Variants in MAGED1 observed in about 807,000 individuals in gnomAD.
MAGED1 encodes melanoma-associated antigen D1.
MAGED1 carries 3 observed loss-of-function variants against 54.1 expected under a neutral mutation model. The observed-to-expected ratio is 0.06, with a 90% CI of 0.03 to 0.14. The LOEUF (loss-of-function observed/expected upper bound fraction) is 0.14, where lower values mean the gene tolerates loss of function less well. MAGED1 is among the 10% of genes least tolerant of loss of function. MAGED1 has a pLI of 1.00. For missense variants in MAGED1, 485 were observed against 623.4 expected (o/e 0.78, Z 2.36); for synonymous variants, 217 against 227.3 (o/e 0.95, Z 0.41).
chrX:51,901,241 C>A (rs1557364907), intron 11 of MAGED1, among the ~76,000 whole-genome samples: 1 of 112,105 alleles, frequency 8.9e-6, no homozygotes. Context: ...CTCCTGACCC[C>A]AGGCCCTGGA....
intron 1 of MAGED1, among the ~76,000 whole-genome samples, chrX:51,858,891 C>T (rs1468803058): frequency 9.0e-6 from 1 of 111,709 alleles, no homozygotes; most frequent in Non-Finnish European, 1.9e-5. Context: ...TTTGAAATTG[C>T]TTCAGGAATA....
rs1928711161 is a variant in MAGED1, at chrX:51,895,569, A to G, written c.562A>G (p.Thr188Ala). The change falls in exon 3 of 13, where the codon ACT becomes GCT. Residue 188 changes from threonine (T) to alanine (A), a missense_variant. Thr to Ala is a moderately conservative substitution (Grantham distance 58, BLOSUM62 0). Around this residue, in one of 2 missense-constraint regions of MAGED1, gnomAD observed 299 missense variants for 293.1 expected, o/e 1.02. Coordinates refer to ENST00000326587, the MANE Select transcript of MAGED1 (RefSeq NM_006986.4). ...KTPFKAWNDT[T>A]KAPTADTQTQ... is the part of the protein sequence containing the mutation. ...CCCTTTCAAGGCTTGGAATGATACC[A>G]CTAAGGCCCCAACAGCTGATACCCA... 1 of 1,211,601 alleles carries G rather than the reference A, an allele frequency of 8.3e-7. No individual in the cohort carries two copies. The highest frequency in any genetic ancestry group is 1.8e-5 in the South Asian group (1 of 56,863).
intron 1 of MAGED1, among the ~76,000 whole-genome samples, chrX:51,843,254 C>A (rs961271280): frequency 6.3e-5 from 7 of 111,598 alleles, no homozygotes; most frequent in African/African-American, 2.3e-4. Flanking sequence ...ACATTCTGAA[C>A]CCCAGAACTT....
intron 1 of MAGED1, among the ~76,000 whole-genome samples, chrX:51,851,386 A>G (rs782098165): frequency 3.6e-5 from 4 of 111,421 alleles, no homozygotes; most frequent in Non-Finnish European, 5.6e-5. Context: ...TCCAAGTACA[A>G]GTAGTCCCCG....
chrX:51,826,062 G>A, intron 1 of MAGED1, among the ~76,000 whole-genome samples: 1 of 112,625 alleles, frequency 8.9e-6, no homozygotes, highest in Admixed American at 9.4e-5. Context: ...GTAGTTCTTT[G>A]ACAGCACAGA....
upstream of MAGED1, among the ~76,000 whole-genome samples, chrX:51,893,283 C>T (rs944225648): frequency 9.2e-6 from 1 of 108,841 alleles, no homozygotes; most frequent in African/African-American, 3.4e-5. Context: ...ACAGGAGGGG[C>T]CTTGAATAGG....
At position 51,877,127 on chromosome X, in the gene MAGED1, T is replaced by A. The variant is rs188818215; in HGVS notation, c.-36-17142T>A. ...GATAGTGGAAAAGAAAGTCATAGAT[T>A]GCATTTTTTCCTAGATCAGGAATTC... On this transcript the variant is annotated intron_variant, in intron 1 of 12. Coordinates refer to the MAGED1 transcript ENST00000375772. Among the ~76,000 whole-genome samples the A allele has an allele frequency of 3.6e-5, 4 of 110,598 alleles. No homozygotes were observed. The Admixed American group carries it at 3.9e-4, about 11-fold the overall frequency.
At chrX:51,850,547 C>T (rs1213483100) in intron 1 of MAGED1, among the ~76,000 whole-genome samples, 2 of 111,692 alleles carry the variant, frequency 1.8e-5, no homozygotes, top group South Asian at 3.8e-4. Flanking sequence ...CACACTCAGG[C>T]CTTTTATCCA....
chrX:51,879,536 T>G (rs1927985638), intron 1 of MAGED1, among the ~76,000 whole-genome samples: 1 of 111,772 alleles, frequency 8.9e-6, no homozygotes, highest in Non-Finnish European at 1.9e-5. Context: ...GCTGCTAGAA[T>G]TATTATTCTT....
chrX:51,873,302 G>A lies in MAGED1; in HGVS notation c.-36-20967G>A, dbSNP rs781909449. Among the ~76,000 whole-genome samples the A allele has an allele frequency of 4.5e-5, 5 of 110,930 alleles. No homozygotes were observed. In the South Asian group the frequency reaches 2.0e-3, roughly 43 times the overall value. Reference sequence around the variant, plus strand: ...CCATGATCCAGTCACCTCCCACCGGGTCCCTCCCTTGACATGTGGGGATTA... The same window carrying A: ...CCATGATCCAGTCACCTCCCACCGGATCCCTCCCTTGACATGTGGGGATTA... On this transcript the variant is annotated intron_variant, in intron 1 of 12. Transcript: ENST00000375772.
intron 1 of MAGED1, among the ~76,000 whole-genome samples, chrX:51,852,745 C>T (rs782218065): frequency 1.7e-3 from 192 of 111,809 alleles, no homozygotes; most frequent in African/African-American, 5.8e-3. Context: ...AGCAGGGGAG[C>T]GGGCACAGAG....
intron 1 of MAGED1, among the ~76,000 whole-genome samples, chrX:51,847,777 A>G (rs1926739048): frequency 8.9e-6 from 1 of 112,000 alleles, no homozygotes; most frequent in Non-Finnish European, 1.9e-5. Context: ...ATTTATCAGT[A>G]TTACATTTTG....
chrX:51,901,390 C>T (rs1258272297), intron 11 of MAGED1, among the ~76,000 whole-genome samples, 163 bp from the exon 12 acceptor site: 1 of 112,395 alleles, frequency 8.9e-6, no homozygotes, highest in Non-Finnish European at 1.9e-5. Context: ...TATGTTGTTG[C>T]AAATGGCAGA....
chrX:51,875,810 C>T (rs932130052), intron 1 of MAGED1, among the ~76,000 whole-genome samples: 2 of 111,374 alleles, frequency 1.8e-5, no homozygotes, highest in African/African-American at 3.3e-5. Context: ...AAGGATAACT[C>T]CTCATGACTC....
In MAGED1 at chrX:51,901,888, C is replaced by T. The variant is rs149192593; in HGVS notation, c.2295C>T (p.Phe765=). 91 of 1,207,360 alleles carry T rather than the reference C, an allele frequency of 7.5e-5. No individual in the cohort carries two copies. Among genetic ancestry groups the T allele is most frequent in the Non-Finnish European group, 9.7e-5 (87 of 894,363 alleles). ...CTGGTGGTACAGCCAGTGCCAACTTCGCTGCCAACTTTGGTGCCATTGGTT... is the reference window on the plus strand; with the variant it reads ...CTGGTGGTACAGCCAGTGCCAACTTTGCTGCCAACTTTGGTGCCATTGGTT... The part of the protein sequence containing the change: ...IGPGGTASAN[F]AANFGAIGFF... The change falls in exon 12 of 13, where the codon TTC becomes TTT. Residue 765 remains phenylalanine (F), a synonymous_variant. Transcript: ENST00000326587.
At chrX:51,856,430 G>C (rs1729127734) in intron 1 of MAGED1, among the ~76,000 whole-genome samples, 1 of 112,215 alleles carries the variant, frequency 8.9e-6, no homozygotes, top group Admixed American at 9.4e-5. Context: ...GTGGGAATGA[G>C]AAAGGAAAAA....
chrX:51,850,343 T>G (rs1420657902), intron 1 of MAGED1, among the ~76,000 whole-genome samples: 1 of 112,321 alleles, frequency 8.9e-6, no homozygotes, highest in Non-Finnish European at 1.9e-5. Flanking sequence ...CCAACAGAAC[T>G]TAACAAAAGG....
intron 1 of MAGED1, among the ~76,000 whole-genome samples, chrX:51,819,306 A>G (rs1925540994): frequency 9.1e-6 from 1 of 110,022 alleles, no homozygotes; most frequent in Non-Finnish European, 1.9e-5. Flanking sequence ...CTGGGCCCTA[A>G]CCACAACGAA....
rs1212506209 is a variant in MAGED1, at chrX:51,862,061, C to G, written c.-36-32208C>G. Among the ~76,000 whole-genome samples the G allele has an allele frequency of 2.7e-5, 3 of 112,089 alleles. No homozygotes were observed. The Admixed American group carries it at 2.8e-4, about 11-fold the overall frequency. On this transcript the variant is annotated intron_variant, in intron 1 of 12. Coordinates refer to the MAGED1 transcript ENST00000375772. The stretch of plus-strand genomic sequence containing the variant: ...AAATCCCCTTTGTAGAGCCTTCTCT[C>G]TTGATCCAGTCTGGGCTGTTTTCAA...
Sources: allele counts gnomAD v4.1 joint callset (sites outside exome capture counted in the v4.1 genomes callset), GRCh38; gene constraint gnomAD v4.1.1; regional missense constraint gnomAD v4.1.1; transcripts MANE v1.5; gene names NCBI Gene and HGNC (gene_info 2026-07-23, HGNC 2026-07-21).